Variants in PTPRD observed in about 807,000 individuals in gnomAD.
PTPRD encodes the protein receptor-type tyrosine-protein phosphatase delta.
In PTPRD, 34 loss-of-function variants were observed where a neutral mutation model predicts 214.5. That is an observed-to-expected ratio of 0.16 (90% CI 0.12 to 0.21). The LOEUF (loss-of-function observed/expected upper bound fraction) is 0.21, where lower values mean the gene tolerates loss of function less well. Among genes scored for constraint, PTPRD ranks in the 10% least tolerant of loss-of-function variants. The pLI is 1.00. For synonymous variants in PTPRD, 1,128 were observed against 845.7 expected (o/e 1.33, Z -5.79); for missense variants, 2,545 against 2,398.7 (o/e 1.06, Z -1.27).
chr9:10,566,030 G>A (rs1443770349), intron 2 of PTPRD, among the ~76,000 whole-genome samples: 1 of 151,782 alleles, frequency 6.6e-6, no homozygotes, highest in African/African-American at 2.4e-5. Flanking sequence ...TATGTTAATG[G>A]AAACATACTA....
intron 11 of PTPRD, among the ~76,000 whole-genome samples, chr9:8,965,175 C>G (rs560107756): frequency 6.6e-6 from 1 of 151,930 alleles, no homozygotes; most frequent in Non-Finnish European, 1.5e-5. Flanking sequence ...GTCAGGAGTT[C>G]GAGACCAGCC....
rs186870993 is a variant in PTPRD, at chr9:10,373,702, C to A, written c.-599-32685G>T. ...TTTTCACTCTTTCTCTTTCCAATAT[C>A]TGTTCTTCTTACCTTTCTTGAGACA... On this transcript the variant is annotated intron_variant, in intron 2 of 45. Coordinates refer to ENST00000381196, the MANE Select transcript of PTPRD (RefSeq NM_002839.4). Among the ~76,000 whole-genome samples, 118 of 152,178 alleles carry A rather than the reference C, an allele frequency of 7.8e-4. 1 individual carries two copies. The highest frequency in any genetic ancestry group is 2.8e-3 in the African/African-American group (115 of 41,534).
At chr9:10,017,240 G>T (rs1337618133) in intron 4 of PTPRD, among the ~76,000 whole-genome samples, 1 of 151,948 alleles carries the variant, frequency 6.6e-6, no homozygotes, top group African/African-American at 2.4e-5. Context: ...TTTCATAAAG[G>T]TATAAGCTAT....
intron 4 of PTPRD, among the ~76,000 whole-genome samples, chr9:9,969,211 C>T (rs2094923433): frequency 6.6e-6 from 1 of 152,096 alleles, no homozygotes. Context: ...CAAAGAATTA[C>T]ACATCTGAAG....
At chr9:10,479,652 A>AATAAATAAATACATAAATAC (rs144587771) in intron 2 of PTPRD, among the ~76,000 whole-genome samples, 2,580 of 124,186 alleles carry the variant, frequency 0.021, 35 homozygotes, top group Middle Eastern at 0.052. Context: ...TAAATAAATA[A>AATAAATAAATACATAAATAC]ATAAATAAAC....
chr9:10,488,830 A>C (rs1293497829), intron 2 of PTPRD, among the ~76,000 whole-genome samples: 1 of 152,006 alleles, frequency 6.6e-6, no homozygotes, highest in African/African-American at 2.4e-5. Flanking sequence ...ATATTACCCG[A>C]CTTGGGACTC....
At chr9:8,428,218 T>C (rs1372690585) in intron 35 of PTPRD, among the ~76,000 whole-genome samples, 1 of 152,074 alleles carries the variant, frequency 6.6e-6, no homozygotes, top group Non-Finnish European at 1.5e-5. Context: ...GCAGAGAGGT[T>C]TGGACCCAAT....
Position 9,388,649 on chromosome 9 carries a change from C to A in PTPRD, c.-203+8800G>T, listed in dbSNP as rs559203552. On this transcript the variant is annotated intron_variant, in intron 9 of 45. Coordinates refer to ENST00000381196, the MANE Select transcript of PTPRD (RefSeq NM_002839.4). Reference sequence around the variant, plus strand: ...TTATGAAGAAACATGACTAAAAAAACAGATTGTACCAGGAAAGTTTTAAAT... The same window carrying A: ...TTATGAAGAAACATGACTAAAAAAAAAGATTGTACCAGGAAAGTTTTAAAT... Among the ~76,000 whole-genome samples the A allele has an allele frequency of 1.7e-3, 258 of 152,108 alleles. 2 individuals are homozygous for A. Among genetic ancestry groups the A allele is most frequent in the African/African-American group, 5.9e-3 (246 of 41,508 alleles).
chr9:8,367,554 A>G (rs748036052), intron 39 of PTPRD, among the ~76,000 whole-genome samples: 64 of 152,320 alleles, frequency 4.2e-4, no homozygotes, highest in Middle Eastern at 3.4e-3. Context: ...TGGTTCTAAT[A>G]AGCAAAGCAT....
rs58828058 is a variant in PTPRD, at chr9:8,764,808, GATAATA to G, written c.-103-30868_-103-30863del. ...TTTGTCTCAAAATAATAATAATAAT[GATAATA>G]ATAATAATAATAATAATAATAGCAG... is the stretch of plus-strand genomic sequence containing the variant. On this transcript the variant is annotated intron_variant, in intron 11 of 45. Coordinates refer to ENST00000381196, the MANE Select transcript of PTPRD (RefSeq NM_002839.4). 6.9e-3 allele frequency among the ~76,000 whole-genome samples: 1,006 copies of G among 146,628 alleles called. 30 individuals carry two copies. In the East Asian group the frequency reaches 0.09, roughly 13 times the overall value.
chr9:9,932,056 C>T (rs1250608003), intron 5 of PTPRD, among the ~76,000 whole-genome samples: 3 of 150,814 alleles, frequency 2.0e-5, no homozygotes, highest in African/African-American at 4.9e-5. Flanking sequence ...GAAAGGACAT[C>T]CACACCAAAA....
chr9:10,274,110 A>G (rs1332980768), intron 3 of PTPRD, among the ~76,000 whole-genome samples: 1 of 152,066 alleles, frequency 6.6e-6, no homozygotes, highest in African/African-American at 2.4e-5. Flanking sequence ...CCACCAGTTA[A>G]CCTCCAAAGT....
At position 10,010,951 on chromosome 9, in the gene PTPRD, A is replaced by G. The variant is rs554211370; in HGVS notation, c.-472+22767T>C. Among the ~76,000 whole-genome samples, 26 of 152,098 alleles carry G rather than the reference A, an allele frequency of 1.7e-4. No individual in the cohort carries two copies. In the East Asian group the frequency reaches 4.4e-3, roughly 26 times the overall value. On this transcript the variant is annotated intron_variant, in intron 4 of 45. Transcript: ENST00000381196. ...AGTGTTATCAGGAAAATTAGATCAT[A>G]AAGTAATTATGGACAAGAAGCCAAT... is the stretch of plus-strand genomic sequence containing the variant.
intron 6 of PTPRD, among the ~76,000 whole-genome samples, chr9:9,751,205 A>G (rs997888779): frequency 6.6e-6 from 1 of 152,102 alleles, no homozygotes. Context: ...AGAGTATCCC[A>G]TTATTAGACT....
intron 9 of PTPRD, among the ~76,000 whole-genome samples, chr9:9,201,199 G>A (rs544366788): frequency 1.8e-4 from 28 of 152,188 alleles, no homozygotes; most frequent in Non-Finnish European, 2.8e-4. Flanking sequence ...TACATGTCAG[G>A]AGCAAGAAGA....
At chr9:9,366,749 G>T (rs1470281580) in intron 9 of PTPRD, among the ~76,000 whole-genome samples, 1 of 151,124 alleles carries the variant, frequency 6.6e-6, no homozygotes, top group Non-Finnish European at 1.5e-5. Context: ...ATTCTTCCGA[G>T]TAAAAAAGAG....
At chr9:9,833,968 G>C (rs1308505240) in intron 5 of PTPRD, among the ~76,000 whole-genome samples, 2 of 151,946 alleles carry the variant, frequency 1.3e-5, no homozygotes, top group Non-Finnish European at 2.9e-5. Context: ...CAGGGTCCTG[G>C]AACGATATAC....
At position 9,134,806 on chromosome 9, in the gene PTPRD, C is replaced by CGTGTGTGTGTGTGTGT. The variant is rs142357379; in HGVS notation, c.-143+48482_-143+48497dup. 5.2e-3 allele frequency among the ~76,000 whole-genome samples: 783 copies of CGTGTGTGTGTGTGTGT among 150,664 alleles called. 4 individuals carry two copies. Among genetic ancestry groups the CGTGTGTGTGTGTGTGT allele is most frequent in the East Asian group, 0.019 (96 of 5,118 alleles). ...TCCTTGAAATCTGGTATTTGGAGTG[C>CGTGTGTGTGTGTGTGT]GTGTGTGTGTGTGTGTGTTTTCACT... On this transcript the variant is annotated intron_variant, in intron 10 of 45. Transcript: ENST00000381196.
At chr9:10,491,033 C>A (rs905747844) in intron 2 of PTPRD, among the ~76,000 whole-genome samples, 6 of 152,124 alleles carry the variant, frequency 3.9e-5, no homozygotes, top group African/African-American at 1.4e-4. Context: ...AAAATTTGGT[C>A]TTTACATTCC....
Sources: allele counts gnomAD v4.1 joint callset (sites outside exome capture counted in the v4.1 genomes callset), GRCh38; gene constraint gnomAD v4.1.1; transcripts MANE v1.5; gene names NCBI Gene and HGNC (gene_info 2026-07-23, HGNC 2026-07-21).